Variants in CTNNA2 observed in about 807,000 individuals in gnomAD.
CTNNA2 encodes catenin alpha 2.
CTNNA2 carries 42 observed loss-of-function variants against 101.0 expected under a neutral mutation model. That is an observed-to-expected ratio of 0.42 (90% CI 0.32 to 0.54). CTNNA2 has a LOEUF of 0.54. Ranked by LOEUF, CTNNA2 falls within the 20% of genes least tolerant of loss-of-function variation. The probability of loss-of-function intolerance (pLI) is 0.14; values close to 1 mark genes in which losing one functional copy is unlikely to be tolerated. For synonymous variants in CTNNA2, 450 were observed against 456.4 expected (o/e 0.99, Z 0.18); for missense variants, 871 against 1,223.1 (o/e 0.71, Z 4.29).
At chr2:79,905,880 TC>T (rs2104302496) in intron 6 of CTNNA2, among the ~76,000 whole-genome samples, 1 of 152,358 alleles carries the variant, frequency 6.6e-6, no homozygotes, top group East Asian at 1.9e-4. Context: ...TTTTTCATTC[TC>T]TGTATATTTC....
intron 7 of CTNNA2, among the ~76,000 whole-genome samples, chr2:80,333,692 C>A (rs1260520838): frequency 6.6e-6 from 1 of 152,088 alleles, no homozygotes; most frequent in African/African-American, 2.4e-5. Context: ...GTAGCGTGAT[C>A]CCGGCTCCCT....
In CTNNA2 at chr2:80,076,171, T is replaced by C. The variant is rs1160265540; in HGVS notation, c.1056+166374T>C. The stretch of plus-strand genomic sequence containing the variant: ...TCTACAAGTATTCATTGAAGGCCTC[T>C]TCGGTGTTTAGCCTTGTGCCGGGTC... On this transcript the variant is annotated intron_variant, in intron 7 of 18. Transcript: ENST00000402739. Among the ~76,000 whole-genome samples, 5 of 152,160 alleles carry C rather than the reference T, an allele frequency of 3.3e-5. No individual in the cohort carries two copies. The East Asian group carries it at 9.6e-4, about 29-fold the overall frequency.
chr2:79,565,257 A>C (rs987751756), intron 1 of CTNNA2, among the ~76,000 whole-genome samples: 1 of 152,016 alleles, frequency 6.6e-6, no homozygotes, highest in Non-Finnish European at 1.5e-5. Context: ...AAGGAAAAAA[A>C]AAAAGGAAAC....
intron 2 of CTNNA2, among the ~76,000 whole-genome samples, chr2:79,655,076 A>G (rs748448206): frequency 6.6e-6 from 1 of 152,198 alleles, no homozygotes; most frequent in Non-Finnish European, 1.5e-5. Context: ...AGATATTGGA[A>G]TAATAAAAAT....
intron 7 of CTNNA2, among the ~76,000 whole-genome samples, chr2:80,042,357 C>G (rs1246887830): frequency 6.6e-6 from 1 of 152,094 alleles, no homozygotes; most frequent in East Asian, 1.9e-4. Flanking sequence ...AGAATGGCGT[C>G]AAGGCTTAAA....
chr2:80,459,232 AT>A (rs1194653249), intron 9 of CTNNA2, among the ~76,000 whole-genome samples: 3 of 152,114 alleles, frequency 2.0e-5, no homozygotes, highest in African/African-American at 7.2e-5. Context: ...CTACTCAGTG[AT>A]CCATGAATTT....
chr2:80,233,545 G>A (rs1376228110), intron 7 of CTNNA2, among the ~76,000 whole-genome samples: 2 of 152,042 alleles, frequency 1.3e-5, no homozygotes, highest in Non-Finnish European at 2.9e-5. Flanking sequence ...ATGACACATA[G>A]CCTCCAAATT....
At chr2:79,574,473 G>C (rs1268276379) in intron 1 of CTNNA2, among the ~76,000 whole-genome samples, 3 of 152,106 alleles carry the variant, frequency 2.0e-5, no homozygotes, top group Non-Finnish European at 4.4e-5. Flanking sequence ...GTGGTATTTG[G>C]TTTTCTGTTC....
chr2:79,809,926 A>G lies in CTNNA2; in HGVS notation c.299-48087A>G, dbSNP rs543620865. Among the ~76,000 whole-genome samples the G allele has an allele frequency of 2.1e-3, 325 of 152,182 alleles. 1 individual carries two copies. Among genetic ancestry groups the G allele is most frequent in the Non-Finnish European group, 3.9e-3 (265 of 67,996 alleles). ...TGTTTTTAGAGCTCCTGAAGGAAGC[A>G]CTAAATACGGAAAGGAAAAACCAGT... On this transcript the variant is annotated intron_variant, in intron 3 of 18. Coordinates refer to ENST00000402739, the MANE Select transcript of CTNNA2 (RefSeq NM_001282597.3).
At chr2:79,254,800 C>A (rs1325634112) in intron 2 of CTNNA2, among the ~76,000 whole-genome samples, 1 of 152,088 alleles carries the variant, frequency 6.6e-6, no homozygotes, top group Non-Finnish European at 1.5e-5. Flanking sequence ...AAGTAAATGA[C>A]AACATTGTTT....
rs975219552 is a variant in CTNNA2, at chr2:79,585,874, G to C, written c.-5-65678G>C. Among the ~76,000 whole-genome samples, 3 of 152,108 alleles carry C rather than the reference G, an allele frequency of 2.0e-5. No individual in the cohort carries two copies. The South Asian group carries it at 6.2e-4, about 31-fold the overall frequency. On this transcript the variant is annotated intron_variant, in intron 1 of 18. Coordinates refer to ENST00000402739, the MANE Select transcript of CTNNA2 (RefSeq NM_001282597.3). ...CATCCCTGGGTGCTGTTTCCGGGGTGTGAGCTCAGCATTGTGTTCTCTTAG... is the reference window on the plus strand; with the variant it reads ...CATCCCTGGGTGCTGTTTCCGGGGTCTGAGCTCAGCATTGTGTTCTCTTAG...
At chr2:79,459,707 A>C (rs1376869229) in intron 4 of CTNNA2, among the ~76,000 whole-genome samples, 1 of 152,178 alleles carries the variant, frequency 6.6e-6, no homozygotes, top group African/African-American at 2.4e-5. Flanking sequence ...ATCAAGAAGA[A>C]AATTTACTGA....
intron 7 of CTNNA2, among the ~76,000 whole-genome samples, chr2:79,984,436 T>C (rs970140544): frequency 6.6e-6 from 1 of 152,220 alleles, no homozygotes; most frequent in African/African-American, 2.4e-5. Context: ...TGCTGGTCTC[T>C]GTTTTACCTT....
intron 7 of CTNNA2, among the ~76,000 whole-genome samples, chr2:79,973,050 A>G (rs1690595525): frequency 6.6e-6 from 1 of 152,180 alleles, no homozygotes. Context: ...GAGGCCATGC[A>G]GCAACTTCAT....
intron 7 of CTNNA2, among the ~76,000 whole-genome samples, chr2:80,034,730 T>A (rs1040155765): frequency 6.6e-6 from 1 of 152,162 alleles, no homozygotes; most frequent in African/African-American, 2.4e-5. Flanking sequence ...TCTTTTTCAC[T>A]TGTCAAATTG....
chr2:79,556,403 C>A (rs1028945710), intron 1 of CTNNA2, among the ~76,000 whole-genome samples: 1 of 152,002 alleles, frequency 6.6e-6, no homozygotes. Context: ...TGTGTACTGA[C>A]CCCAGCTAGC....
chr2:79,285,450 T>C (rs996042066), intron 2 of CTNNA2, among the ~76,000 whole-genome samples: 1 of 148,016 alleles, frequency 6.8e-6, no homozygotes, highest in South Asian at 2.2e-4. Flanking sequence ...TCTGGTATGT[T>C]GTGTCTTTGT....
intron 2 of CTNNA2, among the ~76,000 whole-genome samples, chr2:79,205,071 A>G (rs1674084377): frequency 6.6e-6 from 1 of 152,248 alleles, no homozygotes; most frequent in Admixed American, 6.5e-5. Flanking sequence ...TCTGAATAAT[A>G]GGATGCAATG....
intron 7 of CTNNA2, among the ~76,000 whole-genome samples, chr2:80,348,066 C>A (rs1672934819): frequency 6.6e-6 from 1 of 152,054 alleles, no homozygotes; most frequent in African/African-American, 2.4e-5. Flanking sequence ...TAGTTCAGAG[C>A]AGAACCAGAA....
Sources: gnomAD v4.1 joint callset for allele counts (sites outside exome capture counted in the v4.1 genomes callset) on GRCh38, gnomAD v4.1.1 for gene constraint, MANE v1.5 for transcripts, NCBI Gene and HGNC (gene_info 2026-07-23, HGNC 2026-07-21) for gene names.